FOCAD: variants seen among roughly 807,000 people sequenced by gnomAD.
FOCAD encodes the protein focadhesin.
FOCAD carries 198 observed loss-of-function variants against 225.6 expected under a neutral mutation model. The observed-to-expected ratio is 0.88, with a 90% CI of 0.78 to 0.99. The LOEUF (loss-of-function observed/expected upper bound fraction) is 0.99, where lower values mean the gene tolerates loss of function less well. Ranked by LOEUF, FOCAD falls within the 50% of genes least tolerant of loss-of-function variation. FOCAD has a pLI of 0.00. For synonymous variants in FOCAD, 897 were observed against 755.0 expected (o/e 1.19, Z -3.08); for missense variants, 2,713 against 2,123.6 (o/e 1.28, Z -5.46).
intron 9 of FOCAD, 78 bp downstream of exon 9, chr9:20,778,846 C>T: frequency 1.4e-6 from 1 of 716,954 alleles, no homozygotes; most frequent in Non-Finnish European, 2.3e-6. Flanking sequence ...ACTATGTATC[C>T]TGCTATCTTG....
Position 20,923,714 on chromosome 9 carries a change from C to G in FOCAD, c.2907C>G (p.Val969=), listed in dbSNP as rs746136065. 1 of 1,614,032 alleles carries G rather than the reference C, an allele frequency of 6.2e-7. No homozygotes were observed. The highest frequency in any genetic ancestry group is 1.1e-5 in the South Asian group (1 of 91,048). Residue 969 remains valine, a synonymous_variant, in exon 25 of 44, where the codon GTC becomes GTG. Transcript: ENST00000338382. ...NALLALSSLA[V]VVSRHEASLS... The stretch of plus-strand genomic sequence containing the variant: ...TGTTAGCTCTAAGCAGCCTTGCTGT[C>G]GTCGTATCTAGACATGAAGCCAGCC...
At chr9:20,834,386 G>A (rs905334343) in intron 15 of FOCAD, among the ~76,000 whole-genome samples, 6 of 151,960 alleles carry the variant, frequency 3.9e-5, no homozygotes, top group African/African-American at 1.4e-4. Flanking sequence ...TGTGGAGCAA[G>A]CATCGCACAC....
At chr9:20,832,208 G>A (rs1011506747) in intron 15 of FOCAD, among the ~76,000 whole-genome samples, 2 of 151,992 alleles carry the variant, frequency 1.3e-5, no homozygotes, top group East Asian at 3.9e-4. Context: ...TCTAAGAGTG[G>A]AATTGCTGGA....
intron 42 of FOCAD, among the ~76,000 whole-genome samples, chr9:20,991,232 C>T (rs1364875887): frequency 6.6e-6 from 1 of 152,186 alleles, no homozygotes; most frequent in Non-Finnish European, 1.5e-5. Flanking sequence ...CTGTACTTCT[C>T]ATTATATGTT....
chr9:20,958,447 CAT>C (rs2132437728), intron 35 of FOCAD, among the ~76,000 whole-genome samples: 1 of 151,862 alleles, frequency 6.6e-6, no homozygotes, highest in East Asian at 1.9e-4. Flanking sequence ...TCATGGAGTA[CAT>C]AGAGATGTTC....
intron 11 of FOCAD, among the ~76,000 whole-genome samples, chr9:20,793,769 G>A (rs1820783197): frequency 6.6e-6 from 1 of 152,178 alleles, no homozygotes; most frequent in South Asian, 2.1e-4. Context: ...TAGTGTTGTT[G>A]AAGGGCTGTG....
intron 11 of FOCAD, among the ~76,000 whole-genome samples, chr9:20,803,319 C>G (rs1822045329): frequency 6.6e-6 from 1 of 152,060 alleles, no homozygotes; most frequent in Admixed American, 6.6e-5. Flanking sequence ...TCTACCTGCC[C>G]CATGTCTCTC....
chr9:20,675,688 T>C (rs184848994), intron 2 of FOCAD, among the ~76,000 whole-genome samples: 1 of 152,376 alleles, frequency 6.6e-6, no homozygotes, highest in Admixed American at 6.5e-5. Context: ...AATTAAATCA[T>C]GTTTGATCAC....
Position 20,739,293 on chromosome 9 carries a change from C to G in FOCAD, c.288-943C>G, listed in dbSNP as rs528354445. Among the ~76,000 whole-genome samples the G allele has an allele frequency of 3.9e-5, 6 of 152,308 alleles. No individual in the cohort carries two copies. The South Asian group carries it at 1.2e-3, about 32-fold the overall frequency. ...TATGGTAATGCTCAATAAATGTTAA[C>G]AAGCATAATTAAACAATAATTACTT... On this transcript the variant is annotated intron_variant, in intron 4 of 43. Coordinates refer to ENST00000338382, the MANE Select transcript of FOCAD (RefSeq NM_001375567.1).
Position 20,844,081 on chromosome 9 carries a change from T to C in FOCAD, c.1921-18497T>C, listed in dbSNP as rs138415745. On this transcript the variant is annotated intron_variant, in intron 15 of 43. Transcript: ENST00000338382. ...GTTACTATATGACCCAAAAAGCCCA[T>C]TTCTAGGAATGTACCCAAGAAAAGT... Among the ~76,000 whole-genome samples the C allele has an allele frequency of 3.4e-3, 515 of 152,212 alleles. 4 individuals carry two copies. Among genetic ancestry groups the C allele is most frequent in the African/African-American group, 9.4e-3 (392 of 41,554 alleles).
At chr9:20,958,371 G>GT (rs983197818) in intron 35 of FOCAD, among the ~76,000 whole-genome samples, 49 of 147,330 alleles carry the variant, frequency 3.3e-4, no homozygotes, top group South Asian at 6.5e-4. Flanking sequence ...TAAGAGGTTG[G>GT]TTTTTTTTTT....
chr9:20,747,501 T>C (rs1828150168), intron 5 of FOCAD, among the ~76,000 whole-genome samples: 1 of 152,188 alleles, frequency 6.6e-6, no homozygotes. Flanking sequence ...GATTTTATTA[T>C]AGTCAGGAAG....
intron 1 of FOCAD, among the ~76,000 whole-genome samples, chr9:20,714,981 A>G (rs943429955): frequency 3.3e-5 from 5 of 152,198 alleles, no homozygotes; most frequent in African/African-American, 9.7e-5. Flanking sequence ...TTTCTCCCTT[A>G]TAAGTTTTGA....
rs1563881764 is a variant in FOCAD, at chr9:20,693,350, CCATCCTTT to C, written c.-33+9058_-33+9065del. Among the ~76,000 whole-genome samples the C allele has an allele frequency of 5.3e-5, 8 of 152,318 alleles. No individual in the cohort carries two copies. In the South Asian group the frequency reaches 1.7e-3, roughly 32 times the overall value. On this transcript the variant is annotated intron_variant, in intron 1 of 43. Transcript: ENST00000338382. ...GAGTACTTCCTCAGCCTTTCCCTGACCATCCTTTTAAAAATAGAAACCTCTCTCTCTAA... is the reference window on the plus strand; with the variant it reads ...GAGTACTTCCTCAGCCTTTCCCTGACTAAAAATAGAAACCTCTCTCTCTAA...
chr9:20,664,665 G>A (rs1489991029), intron 2 of FOCAD, among the ~76,000 whole-genome samples: 1 of 143,776 alleles, frequency 7.0e-6, no homozygotes, highest in African/African-American at 2.6e-5. Context: ...TTCTCATGGA[G>A]ATGAGGTCTC....
intron 15 of FOCAD, among the ~76,000 whole-genome samples, chr9:20,837,512 A>G (rs986432144): frequency 1.3e-5 from 2 of 152,014 alleles, no homozygotes; most frequent in South Asian, 4.1e-4. Context: ...AGTGAATAAA[A>G]TATACTGGTT....
At chr9:20,943,509 G>A (rs944979621) in intron 28 of FOCAD, among the ~76,000 whole-genome samples, 1 of 152,114 alleles carries the variant, frequency 6.6e-6, no homozygotes, top group Non-Finnish European at 1.5e-5. Context: ...GTGTGACCTT[G>A]AGCAAATCCT....
At chr9:20,950,217 C>T (rs1269675696) in intron 33 of FOCAD, among the ~76,000 whole-genome samples, 1 of 151,924 alleles carries the variant, frequency 6.6e-6, no homozygotes, top group East Asian at 1.9e-4. Context: ...ACTGATGGTC[C>T]TTCAAACCTG....
At chr9:20,761,485 A>G (rs1022917633) in intron 6 of FOCAD, among the ~76,000 whole-genome samples, 4 of 151,900 alleles carry the variant, frequency 2.6e-5, no homozygotes, top group Non-Finnish European at 5.9e-5. Flanking sequence ...CAGTGGTGCA[A>G]TCTCGGCTCA....
Sources: allele counts gnomAD v4.1 joint callset (sites outside exome capture counted in the v4.1 genomes callset), GRCh38; gene constraint gnomAD v4.1.1; transcripts MANE v1.5; gene names NCBI Gene and HGNC (gene_info 2026-07-23, HGNC 2026-07-21).